The following SLC16A14 variants were observed in gnomAD, a reference collection of about 807,000 sequenced individuals.
SLC16A14 encodes solute carrier family 16 member 14.
Under a neutral mutation model 35.8 loss-of-function variants are expected in SLC16A14, and 14 were observed. That is an observed-to-expected ratio of 0.39 (90% confidence interval 0.26 to 0.61). The LOEUF is 0.61. SLC16A14 is among the 20% of genes least tolerant of loss of function. SLC16A14 has a pLI of 0.51. For missense variants in SLC16A14, 533 were observed against 655.0 expected (o/e 0.81, Z 2.03); for synonymous variants, 248 against 258.9 (o/e 0.96, Z 0.40).
chr2:230,047,564 C>T (rs1405322613), intron 3 of SLC16A14, among the ~76,000 whole-genome samples: 2 of 152,200 alleles, frequency 1.3e-5, no homozygotes, highest in Non-Finnish European at 2.9e-5. Context: ...TTTGGCCTCT[C>T]AAAGTGCTCG....
chr2:230,045,621 G>T, intron 4 of SLC16A14, 124 bp downstream of exon 4: 1 of 1,032,362 alleles, frequency 9.7e-7, no homozygotes, highest in Non-Finnish European at 1.5e-6. Flanking sequence ...AAAGTAAAGG[G>T]CAGGAATGGG....
chr2:230,046,809 C>T lies in SLC16A14; in HGVS notation c.404-87G>A. On this transcript the variant is annotated intron_variant, in intron 3 of 4. Coordinates refer to ENST00000295190, the MANE Select transcript of SLC16A14 (RefSeq NM_152527.5). This position sits in a 1 kb window ranked among gnomAD's most constrained non-coding sequence, Gnocchi z 5.0. ...TCGCAGCAAAGATCACCTGCATTTC[C>T]TTAATTAGCATCTATTTATGCTTTT... 2 of 1,403,250 alleles carry T rather than the reference C, an allele frequency of 1.4e-6. No individual in the cohort carries two copies. The highest frequency in any genetic ancestry group is 2.8e-5 in the South Asian group (2 of 71,140). The allele number at this position is 1,403,250 out of a possible 1,614,324, so 86.9% of individuals were successfully genotyped here. A position where few individuals can be genotyped will look rare whatever the true frequency, so the allele number is the denominator to read the frequency against.
At chr2:230,045,630 G>T in intron 4 of SLC16A14, 115 bp downstream of exon 4, 1 of 1,140,558 alleles carries the variant, frequency 8.8e-7, no homozygotes, top group Non-Finnish European at 1.3e-6. Context: ...GGCAGGAATG[G>T]GAAGATAAAA....
chr2:230,046,771 C>A lies in SLC16A14; in HGVS notation c.404-49G>T. 1 of 1,522,354 alleles carries A rather than the reference C, an allele frequency of 6.6e-7. No individual in the cohort carries two copies. The highest frequency in any genetic ancestry group is 8.8e-7 in the Non-Finnish European group (1 of 1,141,618). 94.3% of individuals were successfully genotyped at this position (1,522,354 alleles called of 1,614,324 possible). A position where few individuals can be genotyped will look rare whatever the true frequency, so the allele number is the denominator to read the frequency against. ...AAAAGACACAGTGCAACATCAGTGG[C>A]CATATCCAGAATTCGCAGCAAAGAT... On this transcript the variant is annotated intron_variant, in intron 3 of 4. Transcript: ENST00000295190. This position sits in a 1 kb window ranked among gnomAD's most constrained non-coding sequence, Gnocchi z 5.0.
At chr2:230,051,831 T>C (rs2106263001) in intron 2 of SLC16A14, among the ~76,000 whole-genome samples, 1 of 152,274 alleles carries the variant, frequency 6.6e-6, no homozygotes, top group African/African-American at 2.4e-5. Flanking sequence ...TGCCTAATCC[T>C]AAAAACTATG....
chr2:230,042,124 G>A (rs2077565617), intron 4 of SLC16A14, among the ~76,000 whole-genome samples: 1 of 152,184 alleles, frequency 6.6e-6, no homozygotes, highest in South Asian at 2.1e-4. Flanking sequence ...TTGATTTTGG[G>A]GTTTCCATAG....
chr2:230,068,436 G>A lies in SLC16A14; in HGVS notation c.-15+119C>T, dbSNP rs1577406542. 3.3e-5 allele frequency: 5 copies of A among 152,712 alleles called. No homozygotes were observed. The highest frequency in any genetic ancestry group is 3.3e-4 in the Admixed American group (5 of 15,304). The allele number at this position is 152,712 out of a possible 1,614,324, so 9.5% of individuals were successfully genotyped here. On this transcript the variant is annotated intron_variant, in intron 1 of 4. Transcript: ENST00000295190. This position sits in a 1 kb window ranked among gnomAD's most constrained non-coding sequence, Gnocchi z 5.1. The stretch of plus-strand genomic sequence containing the variant: ...GCCTTTCCCGAGCCTGCCTTGGGCT[G>A]GGGCTGCCCCTTCCCGGGGGTCCCT...
intron 1 of SLC16A14, among the ~76,000 whole-genome samples, chr2:230,063,874 G>T (rs977579727): frequency 6.6e-6 from 1 of 152,154 alleles, no homozygotes; most frequent in Non-Finnish European, 1.5e-5. Flanking sequence ...GCTGAGGTAG[G>T]AGGATTACTT....
chr2:230,052,759 T>C (rs1012477398), intron 2 of SLC16A14, among the ~76,000 whole-genome samples: 1 of 152,024 alleles, frequency 6.6e-6, no homozygotes, highest in Non-Finnish European at 1.5e-5. Context: ...CTTAATCAAC[T>C]CTCGCATGCT....
intron 4 of SLC16A14, among the ~76,000 whole-genome samples, chr2:230,043,778 G>A (rs1249982143): frequency 2.6e-5 from 4 of 152,206 alleles, no homozygotes; most frequent in East Asian, 3.8e-4. Flanking sequence ...GACAGACCTC[G>A]TTATCTTCAC....
chr2:230,041,532 TG>T (rs2077560166), intron 4 of SLC16A14, among the ~76,000 whole-genome samples: 1 of 152,062 alleles, frequency 6.6e-6, no homozygotes, highest in Non-Finnish European at 1.5e-5. Flanking sequence ...GGTTTCACCT[TG>T]TTGGCCAGGC....
At chr2:230,058,262 T>C (rs2077723311) in intron 2 of SLC16A14, 1 of 152,062 alleles carries the variant, frequency 6.6e-6, no homozygotes, top group South Asian at 2.1e-4. Context: ...TCAGGGGTTG[T>C]ATACCAACTT....
rs2077522534 is a variant in SLC16A14, at chr2:230,036,786, A to T, written c.*594T>A. On this transcript the variant is annotated 3_prime_UTR_variant, in exon 5 of 5. Coordinates refer to ENST00000295190, the MANE Select transcript of SLC16A14 (RefSeq NM_152527.5). Reference sequence around the variant, plus strand: ...TTTTAGAGGAGGATTTAGGAGTCACAATCCCTAGCTGCAGAATTCCCTCAT... The same window carrying T: ...TTTTAGAGGAGGATTTAGGAGTCACTATCCCTAGCTGCAGAATTCCCTCAT... 1 of 152,220 alleles carries T rather than the reference A, an allele frequency of 6.6e-6. No individual in the cohort carries two copies. The highest frequency in any genetic ancestry group is 6.5e-5 in the Admixed American group (1 of 15,276). 9.4% of individuals were successfully genotyped at this position (152,220 alleles called of 1,614,324 possible).
At position 230,058,569 on chromosome 2, in the gene SLC16A14, T is replaced by C. The variant is rs116503095; in HGVS notation, c.259+525A>G. On this transcript the variant is annotated intron_variant, in intron 2 of 4. Transcript: ENST00000295190. ...GATGAAAAAAAGTTCTAAAGATGGA[T>C]GGTGGTGATGGTTGTGAAAAAATAT... Among the ~76,000 whole-genome samples, 1,052 of 152,248 alleles carry C rather than the reference T, an allele frequency of 6.9e-3. 15 individuals carry two copies. The highest frequency in any genetic ancestry group is 0.022 in the African/African-American group (926 of 41,548).
rs141097474 is a variant in SLC16A14, at chr2:230,039,728, G to A, written c.1382-2197C>T. Among the ~76,000 whole-genome samples, 14 of 152,234 alleles carry A rather than the reference G, an allele frequency of 9.2e-5. No individual in the cohort carries two copies. The East Asian group carries it at 1.9e-3, about 21-fold the overall frequency. ...AGGTCATTTTAATGGCTAAATCCCC[G>A]CTGTCCACATGATCAAGTGATTGAG... On this transcript the variant is annotated intron_variant, in intron 4 of 4. Transcript: ENST00000295190.
chr2:230,066,490 G>T (rs2077796335), intron 1 of SLC16A14, among the ~76,000 whole-genome samples: 1 of 152,042 alleles, frequency 6.6e-6, no homozygotes, highest in South Asian at 2.1e-4. Context: ...TAAATGGGGG[G>T]TAACATATAT....
chr2:230,043,396 G>T (rs748691191), intron 4 of SLC16A14, among the ~76,000 whole-genome samples: 3 of 152,354 alleles, frequency 2.0e-5, no homozygotes, highest in Admixed American at 6.5e-5. Context: ...CCAGTGGGGG[G>T]TCTTAAGGGA....
chr2:230,057,387 G>A (rs2077714138), intron 2 of SLC16A14, among the ~76,000 whole-genome samples: 1 of 152,134 alleles, frequency 6.6e-6, no homozygotes, highest in Admixed American at 6.6e-5. Context: ...ATTGCTGTGT[G>A]GTTAGGTTTA....
chr2:230,036,989 A>C lies in SLC16A14; in HGVS notation c.*391T>G. The C allele has an allele frequency of 6.5e-6, 1 of 153,608 alleles. No homozygotes were observed. The highest frequency in any genetic ancestry group is 1.5e-5 in the Non-Finnish European group (1 of 68,894). The allele number at this position is 153,608 out of a possible 1,614,324, so 9.5% of individuals were successfully genotyped here. On this transcript the variant is annotated 3_prime_UTR_variant, in exon 5 of 5. Coordinates refer to ENST00000295190, the MANE Select transcript of SLC16A14 (RefSeq NM_152527.5). ...GTAAGCTTTCTGGAAGCACACAGATACTTCAGTTTTGTCTTACAAAGAAGT... is the reference window on the plus strand; with the variant it reads ...GTAAGCTTTCTGGAAGCACACAGATCCTTCAGTTTTGTCTTACAAAGAAGT...
Sources: gnomAD v4.1 joint callset for allele counts (sites outside exome capture counted in the v4.1 genomes callset) on GRCh38, gnomAD v4.1.1 for gene constraint, Gnocchi (gnomAD v3.1) non-coding constraint, MANE v1.5 for transcripts, NCBI Gene and HGNC (gene_info 2026-07-23, HGNC 2026-07-21) for gene names.